PRIM2: variants seen among roughly 807,000 people sequenced by gnomAD.
PRIM2 encodes the protein DNA primase subunit 2, also known as DNA primase large subunit.
A neutral mutation model predicts 67.3 loss-of-function variants in PRIM2; 39 were observed. That is an observed-to-expected ratio of 0.58 (90% CI 0.45 to 0.76). The LOEUF (loss-of-function observed/expected upper bound fraction) is 0.76, where lower values mean the gene tolerates loss of function less well. Among genes scored for constraint, PRIM2 ranks in the 30% least tolerant of loss-of-function variants. The pLI, the probability that PRIM2 is intolerant of heterozygous loss-of-function variation, is 0.00. For synonymous variants in PRIM2, 143 were observed against 198.7 expected, an observed-to-expected ratio of 0.72 and a Z score of 2.36; for missense variants, 398 against 598.7, an observed-to-expected ratio of 0.66 and a Z score of 3.50.
chr6:57,382,032 T>A lies in PRIM2; in HGVS notation c.557T>A (p.Ile186Asn). 6.2e-7 allele frequency: 1 copy of A among 1,608,462 alleles called. No individual in the cohort carries two copies. ...TTGCCTGTTTTACTCTTAATTCAGA[T>A]CCCTTTTGCTGATGCTCTGGATTTG... ...LKLGFESIYK[I>N]PFADALDLFR... is the part of the protein sequence containing the mutation. Residue 186 changes from isoleucine to asparagine, a missense_variant and splice_region_variant, in exon 7 of 14, where the codon ATC becomes AAC. Transcript: ENST00000615550.
the PRIM2 span, among the ~76,000 whole-genome samples, chr6:57,225,238 A>T: frequency 6.6e-6 from 1 of 152,156 alleles, no homozygotes; most frequent in African/African-American, 2.4e-5. Flanking sequence ...TCTCCTGTTT[A>T]TCTGTCATTT....
At chr6:57,413,568 A>T (rs1581881361) in intron 7 of PRIM2, among the ~76,000 whole-genome samples, 1 of 152,246 alleles carries the variant, frequency 6.6e-6, no homozygotes, top group East Asian at 1.9e-4. Context: ...ATCAGCATGG[A>T]TGCTGTGCTT....
intron 13 of PRIM2, among the ~76,000 whole-genome samples, chr6:57,642,716 C>T (rs1406900374): frequency 1.3e-5 from 2 of 152,158 alleles, no homozygotes; most frequent in Non-Finnish European, 2.9e-5. Context: ...GCTGGGATTA[C>T]AGGCGTGAGC....
intron 10 of PRIM2, among the ~76,000 whole-genome samples, chr6:57,569,076 T>G: frequency 1.3e-5 from 2 of 152,260 alleles, no homozygotes; most frequent in African/African-American, 4.8e-5. Flanking sequence ...TGATGATTAT[T>G]TGGGTCTGTT....
chr6:57,252,246 T>G, the PRIM2 span, among the ~76,000 whole-genome samples: 1 of 152,204 alleles, frequency 6.6e-6, no homozygotes, highest in Admixed American at 6.5e-5. Context: ...AATGTGTCAT[T>G]TACTCTCAAG....
the PRIM2 span, among the ~76,000 whole-genome samples, chr6:57,241,050 T>C: frequency 2.6e-5 from 4 of 151,590 alleles, no homozygotes; most frequent in South Asian, 2.1e-4. Flanking sequence ...CGGGTGAAAC[T>C]CTGTCTCTAC....
intron 5 of PRIM2, among the ~76,000 whole-genome samples, chr6:57,362,287 CTT>C (rs1769226392): frequency 6.6e-6 from 1 of 152,102 alleles, no homozygotes; most frequent in South Asian, 2.1e-4. Flanking sequence ...TAACACCTGA[CTT>C]ATTAAAAATT....
intron 9 of PRIM2, among the ~76,000 whole-genome samples, chr6:57,533,398 T>A (rs1490552490): frequency 1.3e-5 from 2 of 152,162 alleles, no homozygotes; most frequent in East Asian, 3.8e-4. Context: ...AAACAAGAAC[T>A]GTAATAAGAC....
chr6:57,479,079 G>C (rs1773550765), intron 7 of PRIM2, among the ~76,000 whole-genome samples: 1 of 152,218 alleles, frequency 6.6e-6, no homozygotes, highest in Admixed American at 6.5e-5. Flanking sequence ...CTGGGAGATG[G>C]AGTTTGCTGT....
At position 57,410,833 on chromosome 6, in the gene PRIM2, A is replaced by G. The variant is rs2109641; in HGVS notation, c.693+28665A>G. ...CCTGAACTTAAGGATAGATACATTTAGTCTGTCACTATTAAGTGTGATATT... is the reference window on the plus strand; with the variant it reads ...CCTGAACTTAAGGATAGATACATTTGGTCTGTCACTATTAAGTGTGATATT... On this transcript the variant is annotated intron_variant, in intron 7 of 13. Transcript: ENST00000615550. 4.1e-4 allele frequency among the ~76,000 whole-genome samples: 63 copies of G among 151,940 alleles called. 1 individual carries two copies. Among genetic ancestry groups the G allele is most frequent in the African/African-American group, 1.1e-3 (47 of 41,462 alleles).
At chr6:57,447,558 CAG>C (rs1772407079) in intron 7 of PRIM2, among the ~76,000 whole-genome samples, 1 of 152,148 alleles carries the variant, frequency 6.6e-6, no homozygotes. Flanking sequence ...ATGAAATAAA[CAG>C]TGGGAGATAA....
chr6:57,313,058 G>A (rs1355552955), upstream of PRIM2, among the ~76,000 whole-genome samples: 2 of 152,016 alleles, frequency 1.3e-5, no homozygotes, highest in African/African-American at 2.4e-5. Context: ...CTTTATTCTT[G>A]TACCAATATT....
Position 57,410,581 on chromosome 6 carries a change from T to C in PRIM2, c.693+28413T>C, listed in dbSNP as rs529962963. On this transcript the variant is annotated intron_variant, in intron 7 of 13. Coordinates refer to ENST00000615550, the MANE Select transcript of PRIM2 (RefSeq NM_000947.5). ...TTTGATCTTTTTCCAAAAATTGTTT[T>C]GGCTCTTCTAGGTCTTGTAACTATG... is the stretch of plus-strand genomic sequence containing the variant. Among the ~76,000 whole-genome samples the C allele has an allele frequency of 1.7e-3, 265 of 152,188 alleles. 1 individual carries two copies. Among genetic ancestry groups the C allele is most frequent in the African/African-American group, 6.1e-3 (254 of 41,556 alleles).
At chr6:57,540,867 C>A (rs1398629289) in intron 10 of PRIM2, among the ~76,000 whole-genome samples, 2 of 152,212 alleles carry the variant, frequency 1.3e-5, no homozygotes, top group African/African-American at 4.8e-5. Context: ...ATAAGTGTTG[C>A]AAGTATCTGC....
chr6:57,482,642 G>A (rs1437310263), intron 7 of PRIM2, among the ~76,000 whole-genome samples: 1 of 152,142 alleles, frequency 6.6e-6, no homozygotes, highest in Admixed American at 6.5e-5. Flanking sequence ...GGAACCAGTA[G>A]TACCGTGAAA....
intron 10 of PRIM2, among the ~76,000 whole-genome samples, chr6:57,572,099 C>G (rs1775874532): frequency 6.6e-6 from 1 of 152,164 alleles, no homozygotes; most frequent in Non-Finnish European, 1.5e-5. Context: ...TAACTTATGC[C>G]TCTTATTTCC....
intron 5 of PRIM2, among the ~76,000 whole-genome samples, chr6:57,339,959 T>C (rs1768411133): frequency 6.6e-6 from 1 of 151,868 alleles, no homozygotes; most frequent in Admixed American, 6.6e-5. Context: ...CCTACTCATC[T>C]GACAAAGGGC....
At chr6:57,581,677 T>C (rs1373574031) in intron 10 of PRIM2, among the ~76,000 whole-genome samples, 7 of 152,220 alleles carry the variant, frequency 4.6e-5, no homozygotes, top group Non-Finnish European at 7.3e-5. Context: ...TTAAATAGTA[T>C]GTTAAGTTAT....
chr6:57,299,086 T>C, the PRIM2 span, among the ~76,000 whole-genome samples: 1 of 150,314 alleles, frequency 6.7e-6, no homozygotes. Flanking sequence ...CTCTCTCTCT[T>C]TTTCTGTGTG....
Sources: gnomAD v4.1 joint callset for allele counts (sites outside exome capture counted in the v4.1 genomes callset) on GRCh38, gnomAD v4.1.1 for gene constraint, MANE v1.5 for transcripts, NCBI Gene and HGNC (gene_info 2026-07-23, HGNC 2026-07-21) for gene names.